The following COL23A1 variants were observed in gnomAD, a reference collection of about 807,000 sequenced individuals.
COL23A1 encodes the protein collagen type XXIII alpha 1 chain.
COL23A1 carries 97 observed loss-of-function variants against 99.3 expected under a neutral mutation model. The observed-to-expected ratio is 0.98, with a 90% CI of 0.83 to 1.16. COL23A1 has a LOEUF of 1.16. Ranked by LOEUF, COL23A1 falls within the 50% of genes most tolerant of loss-of-function variation. The pLI, the probability that COL23A1 is intolerant of heterozygous loss-of-function variation, is 0.00. For missense variants in COL23A1, 762 were observed against 757.4 expected (o/e 1.01, Z -0.07); for synonymous variants, 320 against 308.2 (o/e 1.04, Z -0.40).
At chr5:178,272,885 G>A (rs1027309471) in intron 5 of COL23A1, among the ~76,000 whole-genome samples, 4 of 152,072 alleles carry the variant, frequency 2.6e-5, no homozygotes, top group South Asian at 2.1e-4. Flanking sequence ...GGAGCTCTTC[G>A]TGGCCCCCAC....
intron 2 of COL23A1, among the ~76,000 whole-genome samples, chr5:178,388,016 G>A (rs1414418977): frequency 6.6e-6 from 1 of 152,186 alleles, no homozygotes; most frequent in Admixed American, 6.5e-5. Flanking sequence ...CACCGACACT[G>A]CTCCTCAGGG....
intron 2 of COL23A1, among the ~76,000 whole-genome samples, chr5:178,446,081 C>A (rs1331878601): frequency 2.0e-5 from 3 of 151,430 alleles, no homozygotes; most frequent in Non-Finnish European, 2.9e-5. Context: ...TTTTTTTAAT[C>A]AAAAAATTTC....
chr5:178,495,719 T>C (rs192691627), intron 2 of COL23A1, among the ~76,000 whole-genome samples: 266 of 151,952 alleles, frequency 1.8e-3, no homozygotes, highest in Non-Finnish European at 2.8e-3. Flanking sequence ...CAAGCTGCAA[T>C]ATGAAAATAG....
chr5:178,304,075 T>G (rs529071672), intron 3 of COL23A1, among the ~76,000 whole-genome samples: 1 of 152,084 alleles, frequency 6.6e-6, no homozygotes, highest in African/African-American at 2.4e-5. Context: ...GATAGAGACA[T>G]AGAAACACTG....
At position 178,518,279 on chromosome 5, in the gene COL23A1, G is replaced by C. The variant is rs947666963; in HGVS notation, c.361+42403C>G. Among the ~76,000 whole-genome samples the C allele has an allele frequency of 1.3e-4, 19 of 147,828 alleles. 1 individual carries two copies. The highest frequency in any genetic ancestry group is 1.8e-4 in the Non-Finnish European group (12 of 67,440). On this transcript the variant is annotated intron_variant, in intron 2 of 28. Coordinates refer to ENST00000390654, the MANE Select transcript of COL23A1 (RefSeq NM_173465.4). ...TTCTTAGTGCAGAACAAAATGAAAA[G>C]TCTCCCATGTCTACTTCTTTCTACA...
At chr5:178,514,786 T>C (rs1759414026) in intron 2 of COL23A1, among the ~76,000 whole-genome samples, 1 of 152,204 alleles carries the variant, frequency 6.6e-6, no homozygotes, top group South Asian at 2.1e-4. Context: ...ACTAGTCACG[T>C]TTTCCCAGGC....
At position 178,486,117 on chromosome 5, in the gene COL23A1, C is replaced by T. The variant is rs1757612926; in HGVS notation, c.361+74565G>A. Among the ~76,000 whole-genome samples the T allele has an allele frequency of 2.0e-5, 3 of 152,188 alleles. No individual in the cohort carries two copies. The South Asian group carries it at 6.2e-4, about 32-fold the overall frequency. ...CTTTCTGATGTGGACGTGCAATACA[C>T]ATGTAAAGCTGGGTACCAGATTTGA... On this transcript the variant is annotated intron_variant, in intron 2 of 28. Coordinates refer to ENST00000390654, the MANE Select transcript of COL23A1 (RefSeq NM_173465.4).
intron 2 of COL23A1, among the ~76,000 whole-genome samples, chr5:178,519,182 C>T (rs1202091039): frequency 1.3e-5 from 2 of 152,226 alleles, no homozygotes; most frequent in Non-Finnish European, 2.9e-5. Context: ...TCCTTTTCAC[C>T]AATTTTATCA....
At chr5:178,505,814 C>T (rs1474323099) in intron 2 of COL23A1, among the ~76,000 whole-genome samples, 1 of 152,144 alleles carries the variant, frequency 6.6e-6, no homozygotes, top group African/African-American at 2.4e-5. Flanking sequence ...GGGCCCAGAG[C>T]CACGGACAGG....
chr5:178,252,997 A>G (rs1208515647), intron 16 of COL23A1, among the ~76,000 whole-genome samples: 1 of 150,230 alleles, frequency 6.7e-6, no homozygotes, highest in African/African-American at 2.5e-5. Context: ...GCCCAGCACC[A>G]CCGTCTCTGA....
intron 2 of COL23A1, among the ~76,000 whole-genome samples, chr5:178,413,430 AAGAC>A (rs1177229588): frequency 2.7e-5 from 4 of 149,594 alleles, no homozygotes; most frequent in South Asian, 2.1e-4. Flanking sequence ...CTTTGATAGA[AAGAC>A]AGAACTTTCT....
In COL23A1 at chr5:178,357,752, G is replaced by A. The variant is rs1044952952; in HGVS notation, c.362-50833C>T. ...TGTGTGTGTGTATGTACGTGTATGT[G>A]TGTGTGTACGTGTATGTATGTGTGT... On this transcript the variant is annotated intron_variant, in intron 2 of 28. Transcript: ENST00000390654. Among the ~76,000 whole-genome samples the A allele has an allele frequency of 3.9e-4, 57 of 147,716 alleles. 1 individual carries two copies. Among genetic ancestry groups the A allele is most frequent in the Non-Finnish European group, 7.9e-4 (53 of 67,152 alleles).
In COL23A1 at chr5:178,271,200, T is replaced by C. The variant is rs141252607; in HGVS notation, c.442-837A>G. On this transcript the variant is annotated intron_variant, in intron 5 of 28. Coordinates refer to ENST00000390654, the MANE Select transcript of COL23A1 (RefSeq NM_173465.4). ...CAAAGCCTCGCCTAGCTCCCCTCCGTGTGGGAGTGGGGAGGAATCCAGCTG... is the reference window on the plus strand; with the variant it reads ...CAAAGCCTCGCCTAGCTCCCCTCCGCGTGGGAGTGGGGAGGAATCCAGCTG... Among the ~76,000 whole-genome samples the C allele has an allele frequency of 2.1e-3, 323 of 152,268 alleles. 1 individual carries two copies. Among genetic ancestry groups the C allele is most frequent in the African/African-American group, 7.3e-3 (302 of 41,564 alleles).
intron 2 of COL23A1, among the ~76,000 whole-genome samples, chr5:178,556,486 G>A (rs1391745687): frequency 6.6e-6 from 1 of 151,650 alleles, no homozygotes; most frequent in Admixed American, 6.6e-5. Flanking sequence ...AGCTGGGCGT[G>A]GTGGCAGGCA....
chr5:178,536,700 A>G (rs1302453715), intron 2 of COL23A1, among the ~76,000 whole-genome samples: 1 of 152,078 alleles, frequency 6.6e-6, no homozygotes, highest in East Asian at 1.9e-4. Flanking sequence ...GGGCATCCCT[A>G]TGCGGCTCGG....
intron 2 of COL23A1, among the ~76,000 whole-genome samples, chr5:178,512,906 G>C (rs892845234): frequency 4.6e-5 from 7 of 152,162 alleles, no homozygotes; most frequent in Non-Finnish European, 1.0e-4. Context: ...TCCAGGTCAG[G>C]GAAGTACCCA....
chr5:178,465,055 C>T (rs1756338759), intron 2 of COL23A1, among the ~76,000 whole-genome samples: 1 of 152,162 alleles, frequency 6.6e-6, no homozygotes, highest in African/African-American at 2.4e-5. Context: ...AAAAATAGTT[C>T]ACTTGATTTA....
Position 178,384,723 on chromosome 5 carries a change from C to G in COL23A1, c.362-77804G>C, listed in dbSNP as rs964707540. On this transcript the variant is annotated intron_variant, in intron 2 of 28. Transcript: ENST00000390654. This position sits in a 1 kb window ranked among gnomAD's most constrained non-coding sequence, Gnocchi z 5.5. ...GCCTCACCCACTGAATCAGAGTGCG[C>G]GCTCACAGGGTGCACATATAACAGC... 6.6e-6 allele frequency among the ~76,000 whole-genome samples: 1 copy of G among 152,192 alleles called. No individual in the cohort carries two copies. Among genetic ancestry groups the G allele is most frequent in the Non-Finnish European group, 1.5e-5 (1 of 68,024 alleles).
chr5:178,556,679 T>C (rs1447233451), intron 2 of COL23A1, among the ~76,000 whole-genome samples: 1 of 120,282 alleles, frequency 8.3e-6, no homozygotes, highest in Non-Finnish European at 1.7e-5. Flanking sequence ...AAAAGCTGAG[T>C]GTGGTAGCTC....
Sources: allele counts gnomAD v4.1 joint callset (sites outside exome capture counted in the v4.1 genomes callset), GRCh38; gene constraint gnomAD v4.1.1; non-coding constraint Gnocchi (gnomAD v3.1); transcripts MANE v1.5; gene names NCBI Gene and HGNC (gene_info 2026-07-23, HGNC 2026-07-21).